The following TSPYL6 variants were observed in gnomAD, a reference collection of about 807,000 sequenced individuals.
TSPYL6 encodes the protein testis-specific Y-encoded-like protein 6.
For missense variants in TSPYL6, 699 were observed against 531.5 expected (o/e 1.32, Z -3.10); for synonymous variants, 259 against 214.8 (o/e 1.21, Z -1.80).
Position 54,255,425 on chromosome 2 carries a change from C to A in TSPYL6, c.727G>T (p.Asp243Tyr). The change falls in exon 1 of 1, where the codon GAC becomes TAC. Residue 243 changes from aspartate (D) to tyrosine (Y), a missense_variant. Transcript: ENST00000317802. ...AAGCCCGGGATATTGCGAATGATGT[C>A]ATTCCTCTGCTCCAGGTAGTATTCA... ...IHEYYLEQRN[D>Y]IIRNIPGFWV... The A allele has an allele frequency of 6.2e-7, 1 of 1,613,992 alleles. No homozygotes were observed. Among genetic ancestry groups the A allele is most frequent in the Non-Finnish European group, 8.5e-7 (1 of 1,179,994 alleles).
rs976817505 is a variant in TSPYL6, at chr2:54,253,355, G to A, written c.*1564C>T. 2.0e-5 allele frequency: 3 copies of A among 152,126 alleles called. No homozygotes were observed. The highest frequency in any genetic ancestry group is 1.9e-4 in the East Asian group (1 of 5,198). 9.4% of individuals were successfully genotyped at this position (152,126 alleles called of 1,614,324 possible). On this transcript the variant is annotated 3_prime_UTR_variant, in exon 1 of 1. Coordinates refer to ENST00000317802, the MANE Select transcript of TSPYL6 (RefSeq NM_001003937.3). The stretch of plus-strand genomic sequence containing the variant: ...ACATAATGTACAAAAAAGAAAGACT[G>A]ATATTATTCCAAATATTTCTATTTG...
At position 54,255,955 on chromosome 2, in the gene TSPYL6, T is replaced by A. The variant is rs758119019; in HGVS notation, c.197A>T (p.Asp66Val). ...CAAGATGTGGAAAGTATGGCCACCA[T>A]CTGCGGGATCCTGGGGCGCGACCCC... ...EEGVAPQDPA[D>V]GGHTFHILVD... Residue 66 changes from aspartate to valine, a missense_variant, in exon 1 of 1, where the codon GAT becomes GTT. By Grantham distance (152) the Asp-to-Val change is radical (BLOSUM62 -3). Coordinates refer to ENST00000317802, the MANE Select transcript of TSPYL6 (RefSeq NM_001003937.3). 27 of 1,613,940 alleles carry A rather than the reference T, an allele frequency of 1.7e-5. No individual in the cohort carries two copies. Among genetic ancestry groups the A allele is most frequent in the Non-Finnish European group, 2.0e-5 (24 of 1,179,994 alleles).
Position 54,254,816 on chromosome 2 carries a change from C to G in TSPYL6, c.*103G>C, listed in dbSNP as rs1687414706. ...GTTTAAACAGAGGGTACAGGAAAGT[C>G]AGAACAAAAAAAGTAAAGGGCATAC... is the stretch of plus-strand genomic sequence containing the variant. On this transcript the variant is annotated 3_prime_UTR_variant, in exon 1 of 1. Transcript: ENST00000317802. The G allele has an allele frequency of 8.4e-7, 1 of 1,196,630 alleles. No homozygotes were observed. Among genetic ancestry groups the G allele is most frequent in the Non-Finnish European group, 1.2e-6 (1 of 858,056 alleles). 74.1% of individuals were successfully genotyped at this position (1,196,630 alleles called of 1,614,324 possible).
Position 54,254,918 on chromosome 2 carries a change from G to T in TSPYL6, c.*1C>A. 6.2e-7 allele frequency: 1 copy of T among 1,607,920 alleles called. No individual in the cohort carries two copies. Among genetic ancestry groups the T allele is most frequent in the Middle Eastern group, 1.9e-4 (1 of 5,290 alleles). ...TGCAGGAGTAATTCCAAAGGCAAAG[G>T]TTAACCACACTGGAACCCAAAGGGC... On this transcript the variant is annotated 3_prime_UTR_variant, in exon 1 of 1. Transcript: ENST00000317802.
rs1370453482 is a variant in TSPYL6 at position 54,254,889 on chromosome 2, C to G, written c.*30G>C. 1 of 1,588,262 alleles carries G rather than the reference C, an allele frequency of 6.3e-7. No individual in the cohort carries two copies. The highest frequency in any genetic ancestry group is 8.5e-7 in the Non-Finnish European group (1 of 1,170,716). On this transcript the variant is annotated 3_prime_UTR_variant, in exon 1 of 1. Transcript: ENST00000317802. ...GGTCCAGCTGGTGGTGGCAGGCAAC[C>G]TTCTGCAGGAGTAATTCCAAAGGCA...
In TSPYL6 at chr2:54,255,710, C is replaced by T. The variant is rs2104023888; in HGVS notation, c.442G>A (p.Glu148Lys). 1 of 1,613,988 alleles carries T rather than the reference C, an allele frequency of 6.2e-7. No individual in the cohort carries two copies. Residue 148 changes from glutamate to lysine, a missense_variant, in exon 1 of 1, where the codon GAG becomes AAG. Transcript: ENST00000317802. ...GCACACTCCTCAGGCTTCACGTCCTCGGCCTTCCCCTCTGCAATCACTTCA... is the reference window on the plus strand; with the variant it reads ...GCACACTCCTCAGGCTTCACGTCCTTGGCCTTCCCCTCTGCAATCACTTCA... ...ESEVIAEGKA[E>K]DVKPEECAMF... is the part of the protein sequence containing the mutation.
In TSPYL6 at chr2:54,255,444, G is replaced by A. The variant is rs1486172669; in HGVS notation, c.708C>T (p.Tyr236=). The A allele has an allele frequency of 1.2e-6, 2 of 1,613,906 alleles. No individual in the cohort carries two copies. The highest frequency in any genetic ancestry group is 1.3e-5 in the African/African-American group (1 of 74,876). ...VERRFGQIHE[Y]YLEQRNDIIR... ...TGATGTCATTCCTCTGCTCCAGGTA[G>A]TATTCATGAATCTGCCCAAACCTGC... The change falls in exon 1 of 1, where the codon TAC becomes TAT. Residue 236 remains tyrosine (Y), a synonymous_variant. Transcript: ENST00000317802.
rs1288438014 is a variant in TSPYL6, at chr2:54,255,152, G to C, written c.1000C>G (p.His334Asp). 1.2e-6 allele frequency: 2 copies of C among 1,614,166 alleles called. No homozygotes were observed. Among genetic ancestry groups the C allele is most frequent in the South Asian group, 2.2e-5 (2 of 91,084 alleles). Residue 334 changes from histidine to aspartate, a missense_variant, in exon 1 of 1, where the codon CAT becomes GAT. His to Asp is a moderately conservative substitution (Grantham distance 81). Transcript: ENST00000317802. ...CTATGAATGAAGGACTGGGGTCCAT[G>C]GCCCCGGCGCCACATGATTAGAGTG... ...FSTLIMWRRG[H>D]GPQSFIHRNR...
rs1188690347 is a variant in TSPYL6 at position 54,254,989 on chromosome 2, T to C, written c.1163A>G (p.His388Arg). 3 of 1,613,970 alleles carry C rather than the reference T, an allele frequency of 1.9e-6. No individual in the cohort carries two copies. Among genetic ancestry groups the C allele is most frequent in the African/African-American group, 1.3e-5 (1 of 74,902 alleles). Residue 388 changes from histidine (H) to arginine (R), a missense_variant, in exon 1 of 1, where the codon CAT (histidine) becomes CGT (arginine). By Grantham distance (29) the His-to-Arg change is conservative. Coordinates refer to ENST00000317802, the MANE Select transcript of TSPYL6 (RefSeq NM_001003937.3). ...LQYYLLGEDA[H>R]RARRRLVREP... The stretch of plus-strand genomic sequence containing the variant: ...CCTTACCAGGCGACGTCTAGCTCTA[T>C]GGGCGTCTTCACCCAACAGGTAGTA...
rs771011505 is a variant in TSPYL6, at chr2:54,256,112, C to T, written c.40G>A (p.Asp14Asn). 1.2e-6 allele frequency: 2 copies of T among 1,613,986 alleles called. No homozygotes were observed. The highest frequency in any genetic ancestry group is 2.2e-5 in the South Asian group (2 of 91,058). Reference sequence around the variant, plus strand: ...TGGTGCGGGTCTTCCAGAGCATAGTCGAGAGTAGCGGGGCTGTGAGGACTC... The same window carrying T: ...TGGTGCGGGTCTTCCAGAGCATAGTTGAGAGTAGCGGGGCTGTGAGGACTC... ...PESPHSPATL[D>N]YALEDPHQGQ... Residue 14 changes from aspartate (D) to asparagine (N), a missense_variant, in exon 1 of 1, where the codon GAC (aspartate) becomes AAC (asparagine). Physicochemically the swap from Asp to Asn is conservative, Grantham distance 23. Coordinates refer to ENST00000317802, the MANE Select transcript of TSPYL6 (RefSeq NM_001003937.3).
chr2:54,254,977 C>T lies in TSPYL6; in HGVS notation c.1175G>A (p.Arg392His), dbSNP rs757162814. ...CTCCACTGGCTCCCTTACCAGGCGA[C>T]GTCTAGCTCTATGGGCGTCTTCACC... is the stretch of plus-strand genomic sequence containing the variant. The part of the protein sequence containing the change: ...LLGEDAHRAR[R>H]RLVREPVEIP... The change falls in exon 1 of 1, where the codon CGT becomes CAT. Residue 392 changes from arginine to histidine, a missense_variant. Arg to His is a conservative substitution (Grantham distance 29). Coordinates refer to ENST00000317802, the MANE Select transcript of TSPYL6 (RefSeq NM_001003937.3). 8.1e-6 allele frequency: 13 copies of T among 1,613,974 alleles called. No individual in the cohort carries two copies. The highest frequency in any genetic ancestry group is 1.3e-5 in the African/African-American group (1 of 75,030).
chr2:54,255,158 G>T lies in TSPYL6; in HGVS notation c.994C>A (p.Arg332=), dbSNP rs2104020999. 1 of 1,614,168 alleles carries T rather than the reference G, an allele frequency of 6.2e-7. No individual in the cohort carries two copies. Among genetic ancestry groups the T allele is most frequent in the East Asian group, 2.2e-5 (1 of 44,878 alleles). The stretch of plus-strand genomic sequence containing the variant: ...ATGAAGGACTGGGGTCCATGGCCCC[G>T]GCGCCACATGATTAGAGTGGAAAAA... ...VSFSTLIMWR[R]GHGPQSFIHR... Residue 332 remains arginine (R), a synonymous_variant, in exon 1 of 1, where the codon CGG becomes AGG. Coordinates refer to ENST00000317802, the MANE Select transcript of TSPYL6 (RefSeq NM_001003937.3).
rs984914196 is a variant in TSPYL6 at position 54,253,497 on chromosome 2, C to A, written c.*1422G>T. 9.9e-5 allele frequency: 15 copies of A among 152,158 alleles called. No individual in the cohort carries two copies. Among genetic ancestry groups the A allele is most frequent in the Non-Finnish European group, 1.6e-4 (11 of 68,008 alleles). 9.4% of individuals were successfully genotyped at this position (152,158 alleles called of 1,614,324 possible). ...CCATATGCAAACAAGAAAGAGAACA[C>A]CCAAAATTGCAGTGTTTCTTCAAAG... is the stretch of plus-strand genomic sequence containing the variant. On this transcript the variant is annotated 3_prime_UTR_variant, in exon 1 of 1. Transcript: ENST00000317802.
chr2:54,255,703 A>G lies in TSPYL6; in HGVS notation c.449T>C (p.Val150Ala), dbSNP rs774931245. 6.2e-6 allele frequency: 10 copies of G among 1,613,798 alleles called. No individual in the cohort carries two copies. In the Admixed American group the frequency reaches 1.2e-4, roughly 19 times the overall value. The change falls in exon 1 of 1, where the codon GTG becomes GCG. Residue 150 changes from valine to alanine, a missense_variant. By Grantham distance (64) the Val-to-Ala change is moderately conservative. Coordinates refer to ENST00000317802, the MANE Select transcript of TSPYL6 (RefSeq NM_001003937.3). ...GAACATGGCACACTCCTCAGGCTTC[A>G]CGTCCTCGGCCTTCCCCTCTGCAAT... ...EVIAEGKAED[V>A]KPEECAMFSA... is the part of the protein sequence containing the mutation.
chr2:54,255,678 G>C lies in TSPYL6; in HGVS notation c.474C>G (p.Phe158Leu). 6.2e-7 allele frequency: 1 copy of C among 1,613,868 alleles called. No homozygotes were observed. The highest frequency in any genetic ancestry group is 1.6e-4 in the Middle Eastern group (1 of 6,062). The part of the protein sequence containing the change: ...EDVKPEECAM[F>L]SAPVDEKPGG... Reference sequence around the variant, plus strand: ...CTGGCTTCTCATCCACTGGGGCTGAGAACATGGCACACTCCTCAGGCTTCA... The same window carrying C: ...CTGGCTTCTCATCCACTGGGGCTGACAACATGGCACACTCCTCAGGCTTCA... Residue 158 changes from phenylalanine (F) to leucine (L), a missense_variant, in exon 1 of 1, where the codon TTC becomes TTG. Coordinates refer to ENST00000317802, the MANE Select transcript of TSPYL6 (RefSeq NM_001003937.3).
chr2:54,255,091 A>G lies in TSPYL6; in HGVS notation c.1061T>C (p.Phe354Ser), dbSNP rs767018068. 4 of 1,614,038 alleles carry G rather than the reference A, an allele frequency of 2.5e-6. No homozygotes were observed. In the African/African-American group the frequency reaches 5.3e-5, roughly 22 times the overall value. Reference protein sequence around the residue: ...RHVICSFFTWFSDHSLPESDR... With the variant: ...RHVICSFFTWSSDHSLPESDR... Reference sequence around the variant, plus strand: ...GGACTCTGGAAGGCTGTGGTCTGAAAACCAGGTGAAGAAGCTGCAGATGAC... The same window carrying G: ...GGACTCTGGAAGGCTGTGGTCTGAAGACCAGGTGAAGAAGCTGCAGATGAC... The change falls in exon 1 of 1, where the codon TTT becomes TCT. Residue 354 changes from phenylalanine (F) to serine (S), a missense_variant. Physicochemically the swap from Phe to Ser is radical, Grantham distance 155. Transcript: ENST00000317802.
Position 54,253,945 on chromosome 2 carries a change from T to C in TSPYL6, c.*974A>G, listed in dbSNP as rs538857795. ...GGATGTTTCTGAACTACTACTTTTGTTTTTTTTAAAGGAAGACAGAAGAGA... is the reference window on the plus strand; with the variant it reads ...GGATGTTTCTGAACTACTACTTTTGCTTTTTTTAAAGGAAGACAGAAGAGA... On this transcript the variant is annotated 3_prime_UTR_variant, in exon 1 of 1. Transcript: ENST00000317802. 6 of 152,034 alleles carry C rather than the reference T, an allele frequency of 3.9e-5. No homozygotes were observed. Among genetic ancestry groups the C allele is most frequent in the African/African-American group, 1.2e-4 (5 of 41,488 alleles). 9.4% of individuals were successfully genotyped at this position (152,034 alleles called of 1,614,324 possible). A position where few individuals can be genotyped will look rare whatever the true frequency, so the allele number is the denominator to read the frequency against.
In TSPYL6 at chr2:54,253,282, T is replaced by A. The variant is rs1189099331; in HGVS notation, c.*1637A>T. 1 of 152,192 alleles carries A rather than the reference T, an allele frequency of 6.6e-6. No individual in the cohort carries two copies. The highest frequency in any genetic ancestry group is 1.5e-5 in the Non-Finnish European group (1 of 68,026). The allele number at this position is 152,192 out of a possible 1,614,324, so 9.4% of individuals were successfully genotyped here. On this transcript the variant is annotated 3_prime_UTR_variant, in exon 1 of 1. Coordinates refer to ENST00000317802, the MANE Select transcript of TSPYL6 (RefSeq NM_001003937.3). ...AAATTAAAATGTTAAAGATACGGTTTTAACAGAAACAAGAACAGGCTGAAA... is the reference window on the plus strand; with the variant it reads ...AAATTAAAATGTTAAAGATACGGTTATAACAGAAACAAGAACAGGCTGAAA...
In TSPYL6 at chr2:54,255,255, T is replaced by C. The variant is rs780452542; in HGVS notation, c.897A>G (p.Gln299=). ...GCTTGTTTCTGAAGTAAGGGTTTCT[T>C]TGAAAGAAGAACTTAAACTTGCAGC... ...RTGCKFKFFF[Q]RNPYFRNKLI... is the part of the protein sequence containing the mutation. The change falls in exon 1 of 1, where the codon CAA becomes CAG. Residue 299 remains glutamine, a synonymous_variant. Coordinates refer to ENST00000317802, the MANE Select transcript of TSPYL6 (RefSeq NM_001003937.3). 2 of 1,614,180 alleles carry C rather than the reference T, an allele frequency of 1.2e-6. No homozygotes were observed. The highest frequency in any genetic ancestry group is 1.7e-6 in the Non-Finnish European group (2 of 1,180,036).
Sources: gnomAD v4.1 joint callset for allele counts on GRCh38, gnomAD v4.1.1 for gene constraint, MANE v1.5 for transcripts, NCBI Gene and HGNC (gene_info 2026-07-23, HGNC 2026-07-21) for gene names.